PITPNM2: variants seen among roughly 807,000 people sequenced by gnomAD.
PITPNM2 encodes membrane-associated phosphatidylinositol transfer protein 2.
In PITPNM2, 35 loss-of-function variants were observed where a neutral mutation model predicts 132.2. The observed-to-expected ratio is 0.26, with a 90% confidence interval of 0.20 to 0.35. The LOEUF is 0.35. Among genes scored for constraint, PITPNM2 ranks in the 10% least tolerant of loss-of-function variants. The pLI, the probability that PITPNM2 is intolerant of heterozygous loss-of-function variation, is 1.00. For synonymous variants in PITPNM2, 738 were observed against 799.2 expected, an observed-to-expected ratio of 0.92 and a Z score of 1.29; for missense variants, 1,332 against 1,912.0, an observed-to-expected ratio of 0.70 and a Z score of 5.66.
Position 122,992,481 on chromosome 12 carries a change from G to A in PITPNM2, c.2404+18C>T, listed in dbSNP as rs1185997418. The A allele has an allele frequency of 6.2e-7, 1 of 1,603,872 alleles. No individual in the cohort carries two copies. The highest frequency in any genetic ancestry group is 8.5e-7 in the Non-Finnish European group (1 of 1,176,044). On this transcript the variant is annotated intron_variant, in intron 16 of 25. Coordinates refer to ENST00000320201, the MANE Select transcript of PITPNM2 (RefSeq NM_020845.3). This position sits in a 1 kb window ranked among gnomAD's most constrained non-coding sequence, Gnocchi z 6.5. ...CCCCACCTTCCCCCAGAGGAGTGGG[G>A]CGGAATGTGCCTCTCACCCAGCAGC...
At chr12:123,140,396 A>G (rs1003437961) in intron 1 of PITPNM2, among the ~76,000 whole-genome samples, 38 of 152,080 alleles carry the variant, frequency 2.5e-4, no homozygotes, top group African/African-American at 9.2e-4. Flanking sequence ...TGCCCTATTC[A>G]TGAGGTCAGC....
rs1223034963 is a variant in PITPNM2, at chr12:122,996,783, G to A, written c.1600C>T (p.Arg534Ter). The change falls in exon 12 of 26, where the codon CGA becomes TGA. Residue 534 changes from arginine (R) to a stop codon, truncating the protein, a stop_gained. Coordinates refer to ENST00000320201, the MANE Select transcript of PITPNM2 (RefSeq NM_020845.3). LOFTEE classifies it high-confidence loss of function. ...YQEAVATVIQ[R>*]ANLAYGDFIK... ...AAGTCCCCATAGGCAAGGTTGGCTCGCTGAATCACTGTGGCAACTGCCTCC... is the reference window on the plus strand; with the variant it reads ...AAGTCCCCATAGGCAAGGTTGGCTCACTGAATCACTGTGGCAACTGCCTCC... 3 of 1,610,900 alleles carry A rather than the reference G, an allele frequency of 1.9e-6. No homozygotes were observed. Among genetic ancestry groups the A allele is most frequent in the Non-Finnish European group, 2.5e-6 (3 of 1,179,220 alleles).
intron 3 of PITPNM2, among the ~76,000 whole-genome samples, chr12:123,015,101 C>T (rs747524152): frequency 8.5e-5 from 13 of 152,126 alleles, no homozygotes; most frequent in East Asian, 7.7e-4. Flanking sequence ...GTTAAGATGG[C>T]GACACTGCCC....
intron 3 of PITPNM2, among the ~76,000 whole-genome samples, chr12:123,025,829 G>A (rs1224602179): frequency 6.6e-6 from 1 of 152,196 alleles, no homozygotes; most frequent in Non-Finnish European, 1.5e-5. Flanking sequence ...GCTATGCTAA[G>A]TGCTTTGCAT....
At position 122,985,872 on chromosome 12, in the gene PITPNM2, G is replaced by A; in HGVS notation, c.*155C>T. ...GTCAGGCCCGAGGACGTGAGGCAGG[G>A]CAGGGAGCACTGTGTGGTGCGGCCC... On this transcript the variant is annotated 3_prime_UTR_variant, in exon 26 of 26. Coordinates refer to ENST00000320201, the MANE Select transcript of PITPNM2 (RefSeq NM_020845.3). 1.5e-6 allele frequency: 1 copy of A among 684,162 alleles called. No homozygotes were observed. The highest frequency in any genetic ancestry group is 2.1e-6 in the Non-Finnish European group (1 of 466,116). The allele number at this position is 684,162 out of a possible 1,614,324, so 42.4% of individuals were successfully genotyped here.
At chr12:123,140,975 C>T (rs542965100) in intron 1 of PITPNM2, among the ~76,000 whole-genome samples, 8 of 150,926 alleles carry the variant, frequency 5.3e-5, no homozygotes, top group Non-Finnish European at 1.0e-4. Context: ...AAAAAAAAAA[C>T]CCCATACAAA....
chr12:123,001,801 T>C (rs1355198344), intron 8 of PITPNM2, among the ~76,000 whole-genome samples: 1 of 150,874 alleles, frequency 6.6e-6, no homozygotes, highest in East Asian at 2.0e-4. Context: ...GAGGCTGAGG[T>C]GGGTGGACTG....
chr12:122,991,231 A>G (rs1275042112), intron 16 of PITPNM2, among the ~76,000 whole-genome samples: 2 of 152,240 alleles, frequency 1.3e-5, no homozygotes, highest in African/African-American at 4.8e-5. Flanking sequence ...TTTGGGGACA[A>G]AGGCAGGTGC....
chr12:123,032,134 A>C (rs971864271), intron 3 of PITPNM2, among the ~76,000 whole-genome samples: 1 of 152,194 alleles, frequency 6.6e-6, no homozygotes, highest in African/African-American at 2.4e-5. Context: ...AGGGAACTAT[A>C]TGATGCTTAA....
At chr12:123,094,965 T>C (rs907468609) in intron 2 of PITPNM2, among the ~76,000 whole-genome samples, 31 of 152,244 alleles carry the variant, frequency 2.0e-4, no homozygotes, top group African/African-American at 7.0e-4. Context: ...AATATTTATA[T>C]GATCAGATTA....
chr12:123,146,073 C>T (rs1313517174), intron 1 of PITPNM2, among the ~76,000 whole-genome samples: 2 of 152,082 alleles, frequency 1.3e-5, no homozygotes, highest in Non-Finnish European at 2.9e-5. Context: ...CCAAACACCA[C>T]AAGTTCTTAC....
rs537673440 is a variant in PITPNM2, at chr12:123,108,858, C to G, written c.-96+1527G>C. ...CACCCGGAGAAGGGAAGGGACTTACCCGAGATCAGACAGCAAGTAACAGTT... is the reference window on the plus strand; with the variant it reads ...CACCCGGAGAAGGGAAGGGACTTACGCGAGATCAGACAGCAAGTAACAGTT... On this transcript the variant is annotated intron_variant, in intron 2 of 25. Coordinates refer to ENST00000320201, the MANE Select transcript of PITPNM2 (RefSeq NM_020845.3). The surrounding 1 kb of genome is among the most constrained non-coding windows in gnomAD (Gnocchi z 4.4). Among the ~76,000 whole-genome samples the G allele has an allele frequency of 6.6e-6, 1 of 152,210 alleles. No individual in the cohort carries two copies. Among genetic ancestry groups the G allele is most frequent in the Admixed American group, 6.5e-5 (1 of 15,288 alleles).
At chr12:122,990,843 G>A (rs1036208917) in intron 16 of PITPNM2, 134 bp from the exon 17 acceptor site, 6 of 965,216 alleles carry the variant, frequency 6.2e-6, no homozygotes, top group South Asian at 1.7e-5. Flanking sequence ...AGAGCCACCT[G>A]CTCAGGGCCG....
chr12:123,037,710 G>A (rs1477584480), intron 2 of PITPNM2, among the ~76,000 whole-genome samples: 1 of 152,106 alleles, frequency 6.6e-6, no homozygotes, highest in Non-Finnish European at 1.5e-5. Flanking sequence ...TCAGATTCCA[G>A]GCTCACCAGG....
At chr12:123,011,404 G>A (rs2039198463) in intron 5 of PITPNM2, among the ~76,000 whole-genome samples, 1 of 152,196 alleles carries the variant, frequency 6.6e-6, no homozygotes, top group Admixed American at 6.5e-5. Flanking sequence ...CATGGGAAAT[G>A]TCACAGAGAC....
At chr12:123,112,494 T>C (rs2042858323) in intron 1 of PITPNM2, among the ~76,000 whole-genome samples, 2 of 152,058 alleles carry the variant, frequency 1.3e-5, no homozygotes, top group Admixed American at 6.6e-5. Flanking sequence ...CAGGAACAAA[T>C]GTCATTTCAT....
At chr12:122,987,759 G>C (rs1164572576) in intron 21 of PITPNM2, 26 bp downstream of exon 21, 4 of 1,613,534 alleles carry the variant, frequency 2.5e-6, no homozygotes, top group Middle Eastern at 1.6e-4. Context: ...GTCCCTCCAT[G>C]TTACCCCTAC....
chr12:122,986,700 C>T lies in PITPNM2; in HGVS notation c.3543G>A (p.Leu1181=), dbSNP rs140719516. 1 of 1,613,518 alleles carries T rather than the reference C, an allele frequency of 6.2e-7. No homozygotes were observed. Among genetic ancestry groups the T allele is most frequent in the Non-Finnish European group, 8.5e-7 (1 of 1,180,010 alleles). ...CCTTGTGCCGCAGCGGGTCATGCAC[C>T]AGGCCGTCACAGAAGGACACCACGC... is the stretch of plus-strand genomic sequence containing the variant. The part of the protein sequence containing the change: ...PHGVVSFCDG[L]VHDPLRHKAN... The change falls in exon 24 of 26, where the codon CTG becomes CTA. Residue 1181 remains leucine (L), a synonymous_variant. Transcript: ENST00000320201.
chr12:122,992,724 G>A lies in PITPNM2; in HGVS notation c.2234-55C>T. 6 of 1,398,204 alleles carry A rather than the reference G, an allele frequency of 4.3e-6. No individual in the cohort carries two copies. Among genetic ancestry groups the A allele is most frequent in the Non-Finnish European group, 5.8e-6 (6 of 1,034,968 alleles). 86.6% of individuals were successfully genotyped at this position (1,398,204 alleles called of 1,614,324 possible). A position where few individuals can be genotyped will look rare whatever the true frequency, so the allele number is the denominator to read the frequency against. Reference sequence around the variant, plus strand: ...GGGGCTGGCCCTGAGGAGCAGTGGTGGGGGTGGGAAATTTGGGAACTGGGC... The same window carrying A: ...GGGGCTGGCCCTGAGGAGCAGTGGTAGGGGTGGGAAATTTGGGAACTGGGC... On this transcript the variant is annotated intron_variant, in intron 15 of 25. Transcript: ENST00000320201. This position sits in a 1 kb window ranked among gnomAD's most constrained non-coding sequence, Gnocchi z 6.5.
Sources: gnomAD v4.1 joint callset for allele counts (sites outside exome capture counted in the v4.1 genomes callset) on GRCh38, gnomAD v4.1.1 for gene constraint, Gnocchi (gnomAD v3.1) non-coding constraint, MANE v1.5 for transcripts, NCBI Gene and HGNC (gene_info 2026-07-23, HGNC 2026-07-21) for gene names.